Variants in CCDC30 observed in about 807,000 individuals in gnomAD.
CCDC30 encodes the protein coiled-coil domain containing 30, also known as coiled-coil domain-containing protein 30.
Under a neutral mutation model 100.2 loss-of-function variants are expected in CCDC30, and 70 were observed. That is an observed-to-expected ratio of 0.70 (90% confidence interval 0.58 to 0.85). The LOEUF is 0.85. CCDC30 is among the 40% of genes least tolerant of loss of function. The probability of loss-of-function intolerance (pLI) is 0.00; values close to 1 mark genes in which losing one functional copy is unlikely to be tolerated. For synonymous variants in CCDC30, 233 were observed against 269.5 expected (o/e 0.86, Z 1.33); for missense variants, 652 against 771.2 (o/e 0.85, Z 1.83).
intron 1 of CCDC30, among the ~76,000 whole-genome samples, chr1:42,477,378 C>T (rs573931543): frequency 3.3e-5 from 5 of 151,958 alleles, no homozygotes; most frequent in South Asian, 2.1e-4. Context: ...TACAGATGCA[C>T]GCCACCATGC....
chr1:42,616,376 C>G (rs1037484047), intron 11 of CCDC30, among the ~76,000 whole-genome samples: 1 of 152,186 alleles, frequency 6.6e-6, no homozygotes, highest in African/African-American at 2.4e-5. Flanking sequence ...TGGATCAATA[C>G]TTTTCTAAAA....
chr1:42,652,629 C>T (rs1304963185), intron 15 of CCDC30, among the ~76,000 whole-genome samples: 2 of 152,102 alleles, frequency 1.3e-5, no homozygotes, highest in Non-Finnish European at 2.9e-5. Flanking sequence ...GAAAACAACC[C>T]ACTCTCCATC....
chr1:42,469,410 G>A (rs1168566824), intron 1 of CCDC30, among the ~76,000 whole-genome samples: 1 of 152,148 alleles, frequency 6.6e-6, no homozygotes, highest in Non-Finnish European at 1.5e-5. Flanking sequence ...TGCAGCAAGT[G>A]TAAGAGTGTG....
intron 6 of CCDC30, among the ~76,000 whole-genome samples, chr1:42,517,390 T>C (rs966115789): frequency 6.6e-5 from 10 of 152,226 alleles, no homozygotes; most frequent in Admixed American, 6.5e-4. Flanking sequence ...GCCAGTAGTG[T>C]TATTTCCATA....
At chr1:42,566,408 G>C (rs759851719) in exon 7 of CCDC30, 8 of 1,613,956 alleles carry the variant, frequency 5.0e-6, no homozygotes, top group Non-Finnish European at 3.4e-6. Context: ...AATGAGCTTC[G>C]ATATGAACGA....
intron 6 of CCDC30, among the ~76,000 whole-genome samples, chr1:42,553,671 AC>A (rs1187240957): frequency 6.6e-6 from 1 of 151,206 alleles, no homozygotes; most frequent in East Asian, 1.9e-4. Flanking sequence ...ACACACACAC[AC>A]ACACACACAC....
chr1:42,505,850 G>A (rs1203156707), intron 6 of CCDC30, among the ~76,000 whole-genome samples: 1 of 152,128 alleles, frequency 6.6e-6, no homozygotes, highest in Non-Finnish European at 1.5e-5. Context: ...ACAATATGAG[G>A]CTAGTCTTCC....
chr1:42,554,696 A>C (rs1645331982), intron 6 of CCDC30, among the ~76,000 whole-genome samples: 2 of 152,196 alleles, frequency 1.3e-5, no homozygotes, highest in Admixed American at 1.3e-4. Flanking sequence ...GATTGAGGGA[A>C]TAAAAATAAA....
intron 16 of CCDC30, 122 bp downstream of exon 20, chr1:42,653,565 G>T: frequency 1.4e-6 from 1 of 692,528 alleles, no homozygotes; most frequent in Non-Finnish European, 2.5e-6. Flanking sequence ...GCTTTCTGGG[G>T]TCATTTTCTC....
At chr1:42,650,464 T>C (rs541931722) in intron 15 of CCDC30, among the ~76,000 whole-genome samples, 184 of 150,040 alleles carry the variant, frequency 1.2e-3, no homozygotes, top group Admixed American at 2.1e-3. Context: ...CCAGCCTGGG[T>C]AACAGAACAA....
chr1:42,619,898 G>T (rs574294322), intron 11 of CCDC30, among the ~76,000 whole-genome samples: 29 of 152,208 alleles, frequency 1.9e-4, no homozygotes, highest in Middle Eastern at 3.4e-3. Context: ...ATATACTTTG[G>T]AGTGAAATAT....
At chr1:42,655,529 A>C (rs1279964006), downstream of CCDC30, among the ~76,000 whole-genome samples, 2 of 152,194 alleles carry the variant, frequency 1.3e-5, no homozygotes, top group Non-Finnish European at 2.9e-5. Flanking sequence ...CCTGGGTGAC[A>C]GAGCAAGACT....
intron 1 of CCDC30, chr1:42,473,027 A>T: frequency 1.8e-6 from 2 of 1,138,520 alleles, no homozygotes; most frequent in Non-Finnish European, 2.2e-6. Context: ...TAGTACTCTA[A>T]TAAGGAGACT....
chr1:42,519,498 T>TA (rs1274646063), intron 6 of CCDC30, among the ~76,000 whole-genome samples: 1 of 152,190 alleles, frequency 6.6e-6, no homozygotes, highest in African/African-American at 2.4e-5. Flanking sequence ...CTTTGTGATT[T>TA]AGTCTTGGTA....
the CCDC30 span, chr1:42,457,705 C>T: frequency 9.5e-5 from 19 of 200,458 alleles, no homozygotes; most frequent in Non-Finnish European, 1.9e-4. Context: ...GTAATCCCAG[C>T]ACTTTGGGAG....
chr1:42,538,030 A>T (rs1358311920), intron 6 of CCDC30: 2 of 149,560 alleles, frequency 1.3e-5, no homozygotes, highest in East Asian at 2.0e-4. Flanking sequence ...ATATATTTTT[A>T]AAAATCATGC....
At chr1:42,549,545 GA>G (rs1341366728) in intron 6 of CCDC30, among the ~76,000 whole-genome samples, 2 of 152,214 alleles carry the variant, frequency 1.3e-5, no homozygotes, top group South Asian at 2.1e-4. Context: ...TTATGGTGCT[GA>G]AAAATCGCTT....
At chr1:42,456,638 C>T in the CCDC30 span, 1 of 1,574,788 alleles carries the variant, frequency 6.4e-7, no homozygotes, top group Non-Finnish European at 8.6e-7. Flanking sequence ...GGTTATGGCT[C>T]GCTTCGCGGC....
At chr1:42,563,619 G>A (rs924537848) in intron 6 of CCDC30, among the ~76,000 whole-genome samples, 7 of 152,246 alleles carry the variant, frequency 4.6e-5, no homozygotes, top group East Asian at 3.9e-4. Context: ...GCTGGCTCAC[G>A]CCTGTAATCC....
Sources: gnomAD v4.1 joint callset for allele counts (sites outside exome capture counted in the v4.1 genomes callset) on GRCh38, gnomAD v4.1.1 for gene constraint, MANE v1.5 for transcripts, NCBI Gene and HGNC (gene_info 2026-07-23, HGNC 2026-07-21) for gene names.